The following KLF12 variants were observed in gnomAD, a reference collection of about 807,000 sequenced individuals.
KLF12 encodes the protein Krueppel-like factor 12.
In KLF12, 9 loss-of-function variants were observed where a neutral mutation model predicts 37.8. That is an observed-to-expected ratio of 0.24 (90% CI 0.14 to 0.42). KLF12 has a LOEUF of 0.42. Among genes scored for constraint, KLF12 ranks in the 10% least tolerant of loss-of-function variants. The pLI is 1.00. For synonymous variants in KLF12, 208 were observed against 202.1 expected (o/e 1.03, Z -0.25); for missense variants, 411 against 516.0 (o/e 0.80, Z 1.97).
chr13:74,128,846 G>A (rs958219012), intron 1 of KLF12, among the ~76,000 whole-genome samples: 7 of 151,644 alleles, frequency 4.6e-5, no homozygotes, highest in East Asian at 3.9e-4. Flanking sequence ...TTATACACAC[G>A]TGTGGCTTTT....
intron 5 of KLF12, among the ~76,000 whole-genome samples, chr13:73,772,723 G>A (rs1004183334): frequency 1.3e-5 from 2 of 152,132 alleles, no homozygotes; most frequent in Admixed American, 1.3e-4. Context: ...TTCAAGATTG[G>A]AACTGGCACA....
At position 74,025,067 on chromosome 13, in the gene KLF12, T is replaced by C. The variant is rs117216342; in HGVS notation, c.-31-30014A>G. 9.9e-3 allele frequency among the ~76,000 whole-genome samples: 1,510 copies of C among 152,292 alleles called. 21 individuals carry two copies. The highest frequency in any genetic ancestry group is 0.057 in the East Asian group (297 of 5,184). ...TCTCACAGACTCATTCAGGTAACAA[T>C]GTACATATGACAGAGTTTAAAGAAA... On this transcript the variant is annotated intron_variant, in intron 1 of 7. Transcript: ENST00000377669.
chr13:74,045,160 T>C (rs529848078), intron 1 of KLF12, among the ~76,000 whole-genome samples: 1 of 152,258 alleles, frequency 6.6e-6, no homozygotes, highest in African/African-American at 2.4e-5. Context: ...AAGACCATAA[T>C]CCTTTATTAC....
chr13:73,818,860 G>A (rs1211541950), intron 4 of KLF12, among the ~76,000 whole-genome samples: 1 of 152,202 alleles, frequency 6.6e-6, no homozygotes, highest in Non-Finnish European at 1.5e-5. Flanking sequence ...CTACGGACAG[G>A]CTCCCTGCTA....
chr13:74,064,381 T>G (rs2325593), intron 1 of KLF12, among the ~76,000 whole-genome samples: 1 of 152,186 alleles, frequency 6.6e-6, no homozygotes, highest in Admixed American at 6.5e-5. Context: ...ATGAACAGTG[T>G]CTTCGTGGAT....
chr13:74,176,097 A>T, the KLF12 span, among the ~76,000 whole-genome samples: 18 of 152,326 alleles, frequency 1.2e-4, no homozygotes, highest in African/African-American at 3.8e-4. Context: ...AATTGATTTA[A>T]ACCTGGTTTT....
chr13:73,848,125 T>C (rs1885127522), intron 3 of KLF12, among the ~76,000 whole-genome samples: 4 of 152,162 alleles, frequency 2.6e-5, no homozygotes, highest in Admixed American at 2.6e-4. Context: ...TTTTACCGTA[T>C]CAACATATCA....
intron 1 of KLF12, among the ~76,000 whole-genome samples, chr13:74,099,764 G>A (rs2138861308): frequency 6.6e-6 from 1 of 152,244 alleles, no homozygotes; most frequent in Admixed American, 6.5e-5. Context: ...TAGAGGTGAA[G>A]ACCATGTCTA....
At chr13:74,067,220 A>AG (rs78004481) in intron 1 of KLF12, among the ~76,000 whole-genome samples, 5,959 of 152,284 alleles carry the variant, frequency 0.039, 230 homozygotes, top group East Asian at 0.18. Flanking sequence ...AAATGAAGTG[A>AG]GATTTTCTGC....
At chr13:74,105,892 G>A (rs1387070617) in intron 1 of KLF12, among the ~76,000 whole-genome samples, 2 of 152,294 alleles carry the variant, frequency 1.3e-5, no homozygotes, top group East Asian at 3.9e-4. Context: ...GTATCAGGAG[G>A]AGACTTCAGC....
intron 4 of KLF12, among the ~76,000 whole-genome samples, chr13:73,829,880 A>C (rs1884059591): frequency 6.6e-6 from 1 of 152,230 alleles, no homozygotes; most frequent in Non-Finnish European, 1.5e-5. Context: ...AATAGTTATA[A>C]ACCATTCAGT....
At position 73,817,675 on chromosome 13, in the gene KLF12, G is replaced by A. The variant is rs76565790; in HGVS notation, c.671-4388C>T. Reference sequence around the variant, plus strand: ...TCTTGCAACAAGTAGCTGAGTTTCGGTCAATCAAAGATGGCCAACTGTTGA... The same window carrying A: ...TCTTGCAACAAGTAGCTGAGTTTCGATCAATCAAAGATGGCCAACTGTTGA... On this transcript the variant is annotated intron_variant, in intron 4 of 7. Coordinates refer to ENST00000377669, the MANE Select transcript of KLF12 (RefSeq NM_007249.5). 4.3e-3 allele frequency among the ~76,000 whole-genome samples: 653 copies of A among 152,342 alleles called. 26 individuals are homozygous for A. The East Asian group carries it at 0.11, about 25-fold the overall frequency.
chr13:74,247,940 G>T, the KLF12 span, among the ~76,000 whole-genome samples: 49 of 152,304 alleles, frequency 3.2e-4, no homozygotes, highest in South Asian at 1.7e-3. Context: ...AAAGGAATGG[G>T]GGCCAAGGGA....
At chr13:73,727,949 G>A (rs1317231491) in intron 6 of KLF12, among the ~76,000 whole-genome samples, 4 of 152,082 alleles carry the variant, frequency 2.6e-5, no homozygotes, top group Non-Finnish European at 4.4e-5. Context: ...CACCCGCCTC[G>A]GCCTCCCAAA....
intron 7 of KLF12, among the ~76,000 whole-genome samples, chr13:73,705,271 TTTTA>T (rs978446502): frequency 1.3e-5 from 2 of 152,060 alleles, no homozygotes; most frequent in African/African-American, 2.4e-5. Context: ...TGAATCAACA[TTTTA>T]TTTATTTATT....
At position 74,017,841 on chromosome 13, in the gene KLF12, C is replaced by CT. The variant is rs987821997; in HGVS notation, c.-31-22789dup. Reference sequence around the variant, plus strand: ...GGCGCCCTGGCATATCAATGATTGTCTAACCCTCCAGGGATGAACTAAAGA... The same window carrying CT: ...GGCGCCCTGGCATATCAATGATTGTCTTAACCCTCCAGGGATGAACTAAAGA... On this transcript the variant is annotated intron_variant, in intron 1 of 7. Transcript: ENST00000377669. 1.2e-3 allele frequency among the ~76,000 whole-genome samples: 182 copies of CT among 152,164 alleles called. 1 individual carries two copies. Among genetic ancestry groups the CT allele is most frequent in the African/African-American group, 4.1e-3 (170 of 41,498 alleles).
intron 4 of KLF12, among the ~76,000 whole-genome samples, chr13:73,825,652 T>C (rs1883794814): frequency 6.6e-6 from 1 of 152,236 alleles, no homozygotes; most frequent in South Asian, 2.1e-4. Context: ...CTGTGTGTAG[T>C]TGTTTAATAA....
the KLF12 span, among the ~76,000 whole-genome samples, chr13:74,270,668 A>G: frequency 6.6e-6 from 1 of 152,148 alleles, no homozygotes; most frequent in Non-Finnish European, 1.5e-5. Context: ...GAGTTCTGTG[A>G]GTTGTTCTGT....
At chr13:73,934,207 T>C (rs1424328390) in intron 3 of KLF12, among the ~76,000 whole-genome samples, 2 of 152,106 alleles carry the variant, frequency 1.3e-5, no homozygotes, top group Non-Finnish European at 2.9e-5. Flanking sequence ...CTGTATCTGG[T>C]TGTTTTGTGT....
Sources: gnomAD v4.1 joint callset for allele counts (sites outside exome capture counted in the v4.1 genomes callset) on GRCh38, gnomAD v4.1.1 for gene constraint, MANE v1.5 for transcripts, NCBI Gene and HGNC (gene_info 2026-07-23, HGNC 2026-07-21) for gene names.